Variants in MGAT5 observed in about 807,000 individuals in gnomAD.
The protein encoded by MGAT5 is alpha-1,6-mannosylglycoprotein 6-beta-N-acetylglucosaminyltransferase A.
In MGAT5, 30 loss-of-function variants were observed where a neutral mutation model predicts 94.3. The observed-to-expected ratio is 0.32, with a 90% CI of 0.24 to 0.43. The LOEUF is 0.43. Ranked by LOEUF, MGAT5 falls within the 20% of genes least tolerant of loss-of-function variation. The pLI is 1.00. For synonymous variants in MGAT5, 310 were observed against 322.9 expected, an observed-to-expected ratio of 0.96 and a Z score of 0.43; for missense variants, 691 against 905.5, an observed-to-expected ratio of 0.76 and a Z score of 3.04.
chr2:134,327,903 A>G (rs1021790285), intron 4 of MGAT5, among the ~76,000 whole-genome samples: 1 of 152,170 alleles, frequency 6.6e-6, no homozygotes, highest in Non-Finnish European at 1.5e-5. Flanking sequence ...TGCCTAAAAT[A>G]TGACTACCTC....
At chr2:134,426,155 T>C (rs1684575427) in intron 13 of MGAT5, among the ~76,000 whole-genome samples, 2 of 152,202 alleles carry the variant, frequency 1.3e-5, no homozygotes, top group Admixed American at 6.5e-5. Flanking sequence ...AGCCCCTGCC[T>C]GCCCTCACCC....
At chr2:134,294,086 C>T (rs1284580292) in intron 2 of MGAT5, among the ~76,000 whole-genome samples, 2 of 152,186 alleles carry the variant, frequency 1.3e-5, no homozygotes, top group Non-Finnish European at 2.9e-5. Flanking sequence ...ACTTTTCTTA[C>T]AGCCTCAAAT....
chr2:134,135,243 A>G (rs1686349918), intron 1 of MGAT5, among the ~76,000 whole-genome samples: 1 of 152,226 alleles, frequency 6.6e-6, no homozygotes, highest in Non-Finnish European at 1.5e-5. Flanking sequence ...TGGTTCAGAT[A>G]GTAAAGAGAG....
intron 1 of MGAT5, among the ~76,000 whole-genome samples, chr2:134,145,870 C>T (rs1686893666): frequency 6.6e-6 from 1 of 152,204 alleles, no homozygotes; most frequent in African/African-American, 2.4e-5. Context: ...AACACCTTCC[C>T]CCAACCCCCA....
intron 13 of MGAT5, among the ~76,000 whole-genome samples, chr2:134,426,214 C>T (rs1043878081): frequency 1.3e-5 from 2 of 151,814 alleles, no homozygotes; most frequent in African/African-American, 4.8e-5. Flanking sequence ...GACTTCCTTC[C>T]TTCCTTCCTT....
At chr2:134,257,552 A>G (rs1167133301) in intron 1 of MGAT5, among the ~76,000 whole-genome samples, 2 of 152,188 alleles carry the variant, frequency 1.3e-5, no homozygotes, top group African/African-American at 2.4e-5. Context: ...TTGAAAGCCT[A>G]GTGTTCCCCC....
At chr2:134,242,596 C>A (rs1268598578) in intron 1 of MGAT5, among the ~76,000 whole-genome samples, 1 of 152,192 alleles carries the variant, frequency 6.6e-6, no homozygotes, top group Non-Finnish European at 1.5e-5. Context: ...AAACAAGTAA[C>A]CTTGCAGTCT....
intron 1 of MGAT5, among the ~76,000 whole-genome samples, chr2:134,263,587 G>T (rs1683472097): frequency 6.6e-6 from 1 of 152,232 alleles, no homozygotes; most frequent in Admixed American, 6.5e-5. Context: ...CTTTTTGTCA[G>T]TTCAGGAGCA....
At chr2:134,442,021 G>A (rs968676530) in intron 15 of MGAT5, 106 bp downstream of exon 15, 8 of 1,304,612 alleles carry the variant, frequency 6.1e-6, no homozygotes, top group Middle Eastern at 2.6e-4. Flanking sequence ...CTACTGGGCT[G>A]TGGGGATAAG....
chr2:134,387,301 GAT>G lies in MGAT5; in HGVS notation c.1381-15656_1381-15655del, dbSNP rs1553458949. Among the ~76,000 whole-genome samples the G allele has an allele frequency of 2.7e-3, 116 of 42,598 alleles. 2 individuals are homozygous for G. Among genetic ancestry groups the G allele is most frequent in the Middle Eastern group, 0.026 (2 of 76 alleles). 27.9% of individuals were successfully genotyped at this position (42,598 alleles called of 152,430 possible). On this transcript the variant is annotated intron_variant, in intron 10 of 15. Transcript: ENST00000281923. ...AAATAAAAAATAAAAAGTTATGTAT[GAT>G]ATATATATATATATATATATATATA...
At chr2:134,200,182 G>C (rs1484947122) in intron 1 of MGAT5, among the ~76,000 whole-genome samples, 1 of 117,798 alleles carries the variant, frequency 8.5e-6, no homozygotes, top group African/African-American at 3.3e-5. Context: ...CGCCAAGGCT[G>C]AGAAAGTCAC....
chr2:134,296,473 A>G lies in MGAT5; in HGVS notation c.407-21056A>G, dbSNP rs536651513. Among the ~76,000 whole-genome samples the G allele has an allele frequency of 8.5e-5, 13 of 152,170 alleles. No individual in the cohort carries two copies. The East Asian group carries it at 2.5e-3, about 29-fold the overall frequency. ...ATATTCTTTTTTTTTCCTTTGTAGC[A>G]TATGACTAAACCTATGGTTCTTTTG... is the stretch of plus-strand genomic sequence containing the variant. On this transcript the variant is annotated intron_variant, in intron 2 of 15. Coordinates refer to ENST00000281923, the MANE Select transcript of MGAT5 (RefSeq NM_002410.5).
chr2:134,148,327 A>G (rs1271601152), intron 1 of MGAT5, among the ~76,000 whole-genome samples: 1 of 152,148 alleles, frequency 6.6e-6, no homozygotes, highest in Non-Finnish European at 1.5e-5. Flanking sequence ...TAAGAATTCT[A>G]GCACTCTGGC....
At chr2:134,134,386 C>T (rs1175643386) in intron 1 of MGAT5, among the ~76,000 whole-genome samples, 3 of 152,140 alleles carry the variant, frequency 2.0e-5, no homozygotes, top group Non-Finnish European at 4.4e-5. Flanking sequence ...CCCCCTGCAG[C>T]CTGGGATCGA....
chr2:134,425,408 G>A (rs977782041), intron 13 of MGAT5, among the ~76,000 whole-genome samples: 2 of 151,574 alleles, frequency 1.3e-5, no homozygotes, highest in Non-Finnish European at 2.9e-5. Flanking sequence ...GTTGGTTTTT[G>A]TGTGTGTGTG....
At chr2:134,277,532 C>G (rs1045709473) in intron 2 of MGAT5, among the ~76,000 whole-genome samples, 3 of 152,118 alleles carry the variant, frequency 2.0e-5, no homozygotes, top group Admixed American at 1.3e-4. Context: ...GAAACTGCCC[C>G]CATAATCCAT....
At chr2:134,215,206 A>T (rs959754693) in intron 1 of MGAT5, among the ~76,000 whole-genome samples, 1 of 152,236 alleles carries the variant, frequency 6.6e-6, no homozygotes, top group African/African-American at 2.4e-5. Context: ...GTTTTCAGCT[A>T]CTAGGATTAG....
chr2:134,283,772 G>A (rs1684847509), intron 2 of MGAT5, among the ~76,000 whole-genome samples: 1 of 149,882 alleles, frequency 6.7e-6, no homozygotes, highest in African/African-American at 2.5e-5. Context: ...TATTTATGAG[G>A]CTTGACTTAA....
At chr2:134,290,144 C>G (rs541222609) in intron 2 of MGAT5, among the ~76,000 whole-genome samples, 1 of 152,302 alleles carries the variant, frequency 6.6e-6, no homozygotes, top group African/African-American at 2.4e-5. Flanking sequence ...TAGTCCTACT[C>G]GTGTGTTCTC....
Sources: gnomAD v4.1 joint callset for allele counts (sites outside exome capture counted in the v4.1 genomes callset) on GRCh38, gnomAD v4.1.1 for gene constraint, MANE v1.5 for transcripts, NCBI Gene and HGNC (gene_info 2026-07-23, HGNC 2026-07-21) for gene names.